RORA: variants seen among roughly 807,000 people sequenced by gnomAD.
RORA encodes the protein RAR related orphan receptor A, also known as nuclear receptor ROR-alpha.
RORA carries 7 observed loss-of-function variants against 69.5 expected under a neutral mutation model. The ratio of observed to expected loss-of-function variants is 0.10; its 90% confidence interval spans 0.06 to 0.19. The LOEUF is 0.19. Ranked by LOEUF, RORA falls within the 10% of genes least tolerant of loss-of-function variation. RORA has a pLI of 1.00. For synonymous variants in RORA, 261 were observed against 240.8 expected, an observed-to-expected ratio of 1.08 and a Z score of -0.78; for missense variants, 457 against 663.0, an observed-to-expected ratio of 0.69 and a Z score of 3.41.
intron 1 of RORA, among the ~76,000 whole-genome samples, chr15:61,076,915 C>T (rs1445693699): frequency 3.3e-5 from 5 of 150,780 alleles, no homozygotes; most frequent in Non-Finnish European, 5.9e-5. Flanking sequence ...ACTCTACCCC[C>T]TCTCCCTTGC....
chr15:60,641,465 A>G (rs1382414912), intron 2 of RORA, among the ~76,000 whole-genome samples: 1 of 151,976 alleles, frequency 6.6e-6, no homozygotes, highest in African/African-American at 2.4e-5. Flanking sequence ...ACTGGAGTGC[A>G]ATGGCACAAT....
chr15:61,063,965 A>T (rs977142633), intron 1 of RORA, among the ~76,000 whole-genome samples: 1 of 152,170 alleles, frequency 6.6e-6, no homozygotes, highest in Non-Finnish European at 1.5e-5. Context: ...ACGTCAGATC[A>T]CCTTGCCGGG....
At chr15:60,661,372 A>G (rs1270016031) in intron 2 of RORA, among the ~76,000 whole-genome samples, 2 of 152,140 alleles carry the variant, frequency 1.3e-5, no homozygotes, top group African/African-American at 4.8e-5. Flanking sequence ...CCTAACAGTG[A>G]TTTTGCCACT....
rs370371229 is a variant in RORA, at chr15:61,044,347, G to T, written c.166+184706C>A. ...CAGAGACACCTTGATGTCACCTTCC[G>T]CTCCTCTCAGAGTCACTCTGCCGAG... On this transcript the variant is annotated intron_variant, in intron 1 of 10. Transcript: ENST00000335670. 2.9e-4 allele frequency among the ~76,000 whole-genome samples: 44 copies of T among 152,158 alleles called. 2 individuals carry two copies. The South Asian group carries it at 6.6e-3, about 23-fold the overall frequency.
At chr15:60,871,954 T>C (rs2073561305) in intron 1 of RORA, among the ~76,000 whole-genome samples, 1 of 152,238 alleles carries the variant, frequency 6.6e-6, no homozygotes, top group African/African-American at 2.4e-5. Context: ...GGGTAAAAGG[T>C]ATGCAGAAAC....
At chr15:60,547,603 G>C (rs550279695) in intron 2 of RORA, 1 of 149,676 alleles carries the variant, frequency 6.7e-6, no homozygotes, top group South Asian at 2.1e-4. Context: ...TGGGATTACA[G>C]GTGTAAGCCA....
chr15:60,913,850 T>C (rs1011924419), intron 1 of RORA, among the ~76,000 whole-genome samples: 1 of 152,228 alleles, frequency 6.6e-6, no homozygotes. Flanking sequence ...CTTTGTCTTT[T>C]GAAAATTATC....
At chr15:60,856,079 T>G (rs1673319) in intron 1 of RORA, among the ~76,000 whole-genome samples, 2 of 152,172 alleles carry the variant, frequency 1.3e-5, no homozygotes, top group East Asian at 3.9e-4. Flanking sequence ...AACCCACTCA[T>G]GTTAAATATG....
intron 2 of RORA, among the ~76,000 whole-genome samples, chr15:60,573,792 C>A (rs59791414): frequency 0.015 from 2,229 of 152,314 alleles, 52 homozygotes; most frequent in African/African-American, 0.049. Context: ...GATTTGTGCT[C>A]CTCCTCTGTG....
intron 1 of RORA, among the ~76,000 whole-genome samples, chr15:61,161,799 C>T (rs1004807799): frequency 6.6e-6 from 1 of 152,144 alleles, no homozygotes; most frequent in Admixed American, 6.5e-5. Flanking sequence ...ACATATTTAT[C>T]TTCCCCCCGT....
chr15:60,626,175 C>T (rs1038145804), intron 2 of RORA, among the ~76,000 whole-genome samples: 1 of 152,186 alleles, frequency 6.6e-6, no homozygotes, highest in Non-Finnish European at 1.5e-5. Context: ...AGCCTGGTGT[C>T]TGTTTGAGCT....
At chr15:60,821,359 G>A (rs549754388) in intron 1 of RORA, among the ~76,000 whole-genome samples, 171 of 152,248 alleles carry the variant, frequency 1.1e-3, no homozygotes, top group Non-Finnish European at 2.0e-3. Flanking sequence ...CTCTGCACTG[G>A]GTCCGCTCCA....
intron 1 of RORA, among the ~76,000 whole-genome samples, chr15:61,017,885 C>A (rs907326548): frequency 2.0e-5 from 3 of 152,176 alleles, no homozygotes; most frequent in Non-Finnish European, 2.9e-5. Context: ...TCCACTAATT[C>A]TCCATGTTGA....
chr15:61,143,055 T>C (rs1331938913), intron 1 of RORA, among the ~76,000 whole-genome samples: 1 of 152,146 alleles, frequency 6.6e-6, no homozygotes, highest in African/African-American at 2.4e-5. Flanking sequence ...ACAAAATTAT[T>C]ATTTTTGCAG....
intron 1 of RORA, among the ~76,000 whole-genome samples, chr15:60,842,124 G>A (rs1030355200): frequency 4.6e-5 from 7 of 151,922 alleles, no homozygotes; most frequent in African/African-American, 1.5e-4. Flanking sequence ...TAAAGTTCAC[G>A]AATTTGTGTT....
chr15:61,013,289 C>T (rs1895149867), intron 1 of RORA, among the ~76,000 whole-genome samples: 2 of 152,194 alleles, frequency 1.3e-5, no homozygotes, highest in South Asian at 4.1e-4. Context: ...CAGTCATGCC[C>T]ATTTGTTTAT....
At chr15:61,085,326 T>C (rs940540915) in intron 1 of RORA, among the ~76,000 whole-genome samples, 7 of 152,188 alleles carry the variant, frequency 4.6e-5, no homozygotes, top group African/African-American at 1.4e-4. Context: ...GGCCAGCACC[T>C]ACCCTGAGCT....
At chr15:61,105,810 G>C (rs1054496054) in intron 1 of RORA, among the ~76,000 whole-genome samples, 4 of 152,150 alleles carry the variant, frequency 2.6e-5, no homozygotes, top group African/African-American at 9.7e-5. Flanking sequence ...TATCTACAAG[G>C]CTACTGCGGA....
chr15:60,947,306 G>T (rs562987646), intron 1 of RORA, among the ~76,000 whole-genome samples: 3 of 151,930 alleles, frequency 2.0e-5, no homozygotes, highest in Non-Finnish European at 2.9e-5. Context: ...TGTCTGTGTG[G>T]AAAGAGGTAG....
Sources: gnomAD v4.1 joint callset for allele counts (sites outside exome capture counted in the v4.1 genomes callset) on GRCh38, gnomAD v4.1.1 for gene constraint, MANE v1.5 for transcripts, NCBI Gene and HGNC (gene_info 2026-07-23, HGNC 2026-07-21) for gene names.